The following COL5A1 variants were observed in gnomAD, a reference collection of about 807,000 sequenced individuals.
The protein encoded by COL5A1 is collagen alpha-1(V) chain.
A neutral mutation model predicts 263.7 loss-of-function variants in COL5A1; 16 were observed. That is an observed-to-expected ratio of 0.06 (90% CI 0.04 to 0.09). COL5A1 has a LOEUF of 0.09. COL5A1 is among the 10% of genes least tolerant of loss of function. COL5A1 has a pLI of 1.00. For synonymous variants in COL5A1, 1,012 were observed against 1,004.5 expected, an observed-to-expected ratio of 1.01 and a Z score of -0.14; for missense variants, 2,036 against 2,540.5, an observed-to-expected ratio of 0.80 and a Z score of 4.27.
intron 4 of COL5A1, among the ~76,000 whole-genome samples, chr9:134,711,931 CT>C (rs1834056508): frequency 6.6e-6 from 1 of 151,974 alleles, no homozygotes; most frequent in Non-Finnish European, 1.5e-5. Flanking sequence ...ACTCCTGGGC[CT>C]GTCTGTGAGT....
At chr9:134,771,678 G>T (rs1189224847) in intron 25 of COL5A1, among the ~76,000 whole-genome samples, 2 of 152,314 alleles carry the variant, frequency 1.3e-5, no homozygotes, top group East Asian at 3.9e-4. Flanking sequence ...TCAACGTTAG[G>T]CCACTCAAGG....
intron 1 of COL5A1, chr9:134,649,325 G>C: frequency 2.7e-6 from 1 of 368,766 alleles, no homozygotes; most frequent in Non-Finnish European, 5.4e-6. Flanking sequence ...CCTCATATTA[G>C]CAGTAAATGT....
chr9:134,721,543 T>A (rs917074416), intron 4 of COL5A1, among the ~76,000 whole-genome samples: 1 of 152,100 alleles, frequency 6.6e-6, no homozygotes, highest in Non-Finnish European at 1.5e-5. Flanking sequence ...CTCGCAGGAA[T>A]CAGGTGGCCC....
Position 134,696,948 on chromosome 9 carries a change from G to A in COL5A1, c.278-2961G>A, listed in dbSNP as rs1219619941. Among the ~76,000 whole-genome samples the A allele has an allele frequency of 6.6e-6, 1 of 152,194 alleles. No homozygotes were observed. Among genetic ancestry groups the A allele is most frequent in the East Asian group, 1.9e-4 (1 of 5,166 alleles). ...TAGCCAGGCTTGGTGGCGGGTGCCT[G>A]TAGTCCCAGCTACTCGGGAGGCTGA... On this transcript the variant is annotated intron_variant, in intron 2 of 65. Transcript: ENST00000371817. The surrounding 1 kb of genome is among the most constrained non-coding windows in gnomAD (Gnocchi z 4.3).
intron 60 of COL5A1, among the ~76,000 whole-genome samples, 174 bp downstream of exon 60, chr9:134,823,207 C>G (rs1370103432): frequency 6.6e-6 from 1 of 152,208 alleles, no homozygotes; most frequent in South Asian, 2.1e-4. Flanking sequence ...GGGCTGCTCG[C>G]CGCCTGCCCT....
intron 44 of COL5A1, among the ~76,000 whole-genome samples, chr9:134,811,128 T>C (rs980418118): frequency 6.6e-6 from 1 of 152,066 alleles, no homozygotes; most frequent in Non-Finnish European, 1.5e-5. Flanking sequence ...CTCTTTGCCA[T>C]CCAGAAATGG....
intron 11 of COL5A1, among the ~76,000 whole-genome samples, chr9:134,745,058 C>T (rs576080710): frequency 2.6e-5 from 4 of 152,342 alleles, no homozygotes; most frequent in South Asian, 2.1e-4. Flanking sequence ...CTGGCCATTT[C>T]GAGTCACATT....
In COL5A1 at chr9:134,842,076, A is replaced by G; in HGVS notation, c.5371-81A>G. The G allele has an allele frequency of 6.4e-7, 1 of 1,556,298 alleles. No homozygotes were observed. The highest frequency in any genetic ancestry group is 8.8e-7 in the Non-Finnish European group (1 of 1,129,994). On this transcript the variant is annotated intron_variant, in intron 65 of 65. Transcript: ENST00000371817. The surrounding 1 kb of genome is among the most constrained non-coding windows in gnomAD (Gnocchi z 5.8). ...ACACCAGCCTGGGTTTTGGAGCCAG[A>G]CAGATTGTGGGGGGTGATTGGTAAA...
chr9:134,722,042 G>A (rs1834482645), intron 4 of COL5A1, among the ~76,000 whole-genome samples: 1 of 152,266 alleles, frequency 6.6e-6, no homozygotes, highest in African/African-American at 2.4e-5. Context: ...CGGGGGTGGT[G>A]TAGGGCCTGG....
intron 1 of COL5A1, among the ~76,000 whole-genome samples, chr9:134,648,552 G>A (rs997076213): frequency 1.3e-5 from 2 of 152,098 alleles, no homozygotes; most frequent in African/African-American, 4.8e-5. Context: ...CCATCTGTAA[G>A]AAGGGGGTGG....
At position 134,794,769 on chromosome 9, in the gene COL5A1, A is replaced by G. The variant is rs1390924066; in HGVS notation, c.2701-313A>G. On this transcript the variant is annotated intron_variant, in intron 32 of 65. Transcript: ENST00000371817. The surrounding 1 kb of genome is among the most constrained non-coding windows in gnomAD (Gnocchi z 4.3). ...GGAGGAGGGGAAGGAGGGAGGAAGGAGGAGGAGGGATGTAGCGGTGCTCTG... is the reference window on the plus strand; with the variant it reads ...GGAGGAGGGGAAGGAGGGAGGAAGGGGGAGGAGGGATGTAGCGGTGCTCTG... 6.6e-6 allele frequency among the ~76,000 whole-genome samples: 1 copy of G among 152,158 alleles called. No homozygotes were observed. The highest frequency in any genetic ancestry group is 1.5e-5 in the Non-Finnish European group (1 of 68,022).
rs894451438 is a variant in COL5A1 at position 134,755,137 on chromosome 9, G to C, written c.1827+811G>C. ...ATAAGCCGCAGTTTGGCAGGTCCGA[G>C]GGTCTATGCAGGGATCTGGGCATGA... On this transcript the variant is annotated intron_variant, in intron 16 of 65. Transcript: ENST00000371817. The surrounding 1 kb of genome is among the most constrained non-coding windows in gnomAD (Gnocchi z 4.1). 6.6e-6 allele frequency among the ~76,000 whole-genome samples: 1 copy of C among 152,198 alleles called. No homozygotes were observed. Among genetic ancestry groups the C allele is most frequent in the African/African-American group, 2.4e-5 (1 of 41,446 alleles).
chr9:134,790,713 A>G (rs1837661016), intron 32 of COL5A1, among the ~76,000 whole-genome samples: 1 of 150,072 alleles, frequency 6.7e-6, no homozygotes, highest in African/African-American at 2.5e-5. Flanking sequence ...ATCTGTCTCT[A>G]TCCAGCTGTC....
chr9:134,815,669 G>A (rs1431444093), intron 51 of COL5A1, 40 bp downstream of exon 51: 1 of 1,604,016 alleles, frequency 6.2e-7, no homozygotes, highest in Non-Finnish European at 8.5e-7. Flanking sequence ...ATCCCCCACA[G>A]TGCTGGCCTG....
At chr9:134,798,106 G>A (rs566001920) in intron 36 of COL5A1, among the ~76,000 whole-genome samples, 88 of 152,352 alleles carry the variant, frequency 5.8e-4, no homozygotes, top group Middle Eastern at 3.4e-3. Flanking sequence ...TGTGTCACCT[G>A]CTGGCTGGAC....
chr9:134,753,831 A>G lies in COL5A1; in HGVS notation c.1720-19A>G. 3 of 1,606,630 alleles carry G rather than the reference A, an allele frequency of 1.9e-6. No homozygotes were observed. Among genetic ancestry groups the G allele is most frequent in the Non-Finnish European group, 2.5e-6 (3 of 1,176,996 alleles). On this transcript the variant is annotated intron_variant, in intron 14 of 65. Coordinates refer to ENST00000371817, the MANE Select transcript of COL5A1 (RefSeq NM_000093.5). ...GTCCCCACCTCGAGCAGACATTAAC[A>G]CACACCATGTCTCCCTAGGGTCCCC...
chr9:134,645,033 T>C lies in COL5A1; in HGVS notation c.109+2737T>C, dbSNP rs551493481. 3.3e-5 allele frequency among the ~76,000 whole-genome samples: 5 copies of C among 152,186 alleles called. No homozygotes were observed. In the East Asian group the frequency reaches 9.7e-4, roughly 29 times the overall value. On this transcript the variant is annotated intron_variant, in intron 1 of 65. Coordinates refer to ENST00000371817, the MANE Select transcript of COL5A1 (RefSeq NM_000093.5). ...GGGAGGAGCTCAGAAGCCCCAAGAATTCCCCAAGCCCTCTCCCTGCTGTGG... is the reference window on the plus strand; with the variant it reads ...GGGAGGAGCTCAGAAGCCCCAAGAACTCCCCAAGCCCTCTCCCTGCTGTGG...
At chr9:134,703,913 G>A (rs1052372573) in intron 4 of COL5A1, among the ~76,000 whole-genome samples, 11 of 152,098 alleles carry the variant, frequency 7.2e-5, no homozygotes, top group South Asian at 4.2e-4. Context: ...TGCTGGGATT[G>A]CAGGCGTGAG....
intron 4 of COL5A1, among the ~76,000 whole-genome samples, chr9:134,724,159 G>A (rs1393789697): frequency 6.6e-6 from 1 of 152,104 alleles, no homozygotes; most frequent in African/African-American, 2.4e-5. Context: ...CTGACCCCCA[G>A]TTCCTCCAAA....
Sources: allele counts gnomAD v4.1 joint callset (sites outside exome capture counted in the v4.1 genomes callset), GRCh38; gene constraint gnomAD v4.1.1; non-coding constraint Gnocchi (gnomAD v3.1); transcripts MANE v1.5; gene names NCBI Gene and HGNC (gene_info 2026-07-23, HGNC 2026-07-21).